The following DUS1L variants were observed in gnomAD, a reference collection of about 807,000 sequenced individuals.
DUS1L encodes dihydrouridine synthase 1 like.
DUS1L carries 56 observed loss-of-function variants against 61.2 expected under a neutral mutation model. The observed-to-expected ratio is 0.92, with a 90% CI of 0.74 to 1.14. The LOEUF is 1.14. DUS1L is among the 50% of genes most tolerant of loss of function. The pLI is 0.00. For missense variants in DUS1L, 630 were observed against 632.4 expected, an observed-to-expected ratio of 1.00 and a Z score of 0.04; for synonymous variants, 278 against 259.5, an observed-to-expected ratio of 1.07 and a Z score of -0.69.
chr17:82,063,504 A>G lies in DUS1L; in HGVS notation c.361T>C (p.Phe121Leu). The G allele has an allele frequency of 1.2e-6, 2 of 1,613,676 alleles. No homozygotes were observed. The highest frequency in any genetic ancestry group is 1.7e-6 in the Non-Finnish European group (2 of 1,179,986). Residue 121 changes from phenylalanine to leucine, a missense_variant, in exon 4 of 14, where the codon TTT (phenylalanine) becomes CTT (leucine). Coordinates refer to ENST00000306796, the MANE Select transcript of DUS1L (RefSeq NM_022156.5). ...MIAKRGHYGA[F>L]LQDEWDLLQR... is the part of the protein sequence containing the mutation. ...AGCAGGTCCCACTCGTCCTGCAGAA[A>G]GGCGCCATAGTGACCTGCAAGGAGC...
At position 82,061,942 on chromosome 17, in the gene DUS1L, G is replaced by A. The variant is rs769589650; in HGVS notation, c.552C>T (p.Pro184=). ...GCTCCCAGGACGCTGCACCCGACAG[G>A]GGCCCCTTCTGCTCCTTGGTGCGTC... The part of the protein sequence containing the change: ...VHGRTKEQKG[P]LSGAASWEHI... Residue 184 remains proline (P), a synonymous_variant, in exon 6 of 14, where the codon CCC becomes CCT. Coordinates refer to ENST00000306796, the MANE Select transcript of DUS1L (RefSeq NM_022156.5). The A allele has an allele frequency of 5.6e-6, 9 of 1,610,902 alleles. No individual in the cohort carries two copies. The highest frequency in any genetic ancestry group is 5.9e-6 in the Non-Finnish European group (7 of 1,178,918).
chr17:82,059,171 C>T (rs372250092), intron 11 of DUS1L: 10 of 260,726 alleles, frequency 3.8e-5, no homozygotes, highest in Middle Eastern at 1.3e-3. Flanking sequence ...CCCTTCAGTT[C>T]CAGGTCTCCC....
chr17:82,063,706 C>T (rs1378368243), intron 3 of DUS1L, among the ~76,000 whole-genome samples, 188 bp from the exon 4 acceptor site: 3 of 152,162 alleles, frequency 2.0e-5, no homozygotes, highest in Admixed American at 2.0e-4. Flanking sequence ...AGTGGTTTGT[C>T]GGCATCAGAC....
At chr17:82,058,692 A>G in intron 12 of DUS1L, 89 bp downstream of exon 12, 1 of 1,588,728 alleles carries the variant, frequency 6.3e-7, no homozygotes, top group Non-Finnish European at 8.6e-7. Context: ...CTGGGCGGGC[A>G]CCAGACCTGC....
At position 82,061,420 on chromosome 17, in the gene DUS1L, GGGACACTCA is replaced by G. The variant is rs2033488627; in HGVS notation, c.698-76_698-68del. The G allele has an allele frequency of 3.9e-6, 6 of 1,530,980 alleles. No homozygotes were observed. The South Asian group carries it at 7.5e-5, about 19-fold the overall frequency. 94.8% of individuals were successfully genotyped at this position (1,530,980 alleles called of 1,614,324 possible). On this transcript the variant is annotated intron_variant, in intron 7 of 13. Coordinates refer to ENST00000306796, the MANE Select transcript of DUS1L (RefSeq NM_022156.5). ...CCAGGTGGACGGCACAGGAAAGCCT[GGGACACTCA>G]GGACACCCTTCTGTGCCACCTCACA...
Position 82,058,823 on chromosome 17 carries a change from GAAAAGAAC to G in DUS1L, c.1169-13_1169-6del, listed in dbSNP as rs773030874. 6.2e-7 allele frequency: 1 copy of G among 1,612,748 alleles called. No homozygotes were observed. The highest frequency in any genetic ancestry group is 8.5e-7 in the Non-Finnish European group (1 of 1,179,496). ...GGTCACACTTTGCATATTTTGCTAG[GAAAAGAAC>G]AAAAGGGTGCTGGTGAGTGAGGGCC... On this transcript the variant is annotated splice_polypyrimidine_tract_variant and splice_region_variant and intron_variant, in intron 11 of 13. Coordinates refer to ENST00000306796, the MANE Select transcript of DUS1L (RefSeq NM_022156.5).
In DUS1L at chr17:82,058,828, GAAC is replaced by G; in HGVS notation, c.1169-13_1169-11del. The G allele has an allele frequency of 6.2e-7, 1 of 1,611,470 alleles. No homozygotes were observed. ...CACTTTGCATATTTTGCTAGGAAAA[GAAC>G]AAAAGGGTGCTGGTGAGTGAGGGCC... On this transcript the variant is annotated splice_polypyrimidine_tract_variant and intron_variant, in intron 11 of 13. Transcript: ENST00000306796.
At chr17:82,064,668 A>ACATGC (rs1228861091) in intron 2 of DUS1L, among the ~76,000 whole-genome samples, 155 bp downstream of exon 2, 1 of 152,226 alleles carries the variant, frequency 6.6e-6, no homozygotes, top group Non-Finnish European at 1.5e-5. Context: ...CGTGGACTCT[A>ACATGC]CATGCCTGGT....
At chr17:82,065,202 G>A in intron 1 of DUS1L, 133 bp from the exon 2 acceptor site, 3 of 770,510 alleles carry the variant, frequency 3.9e-6, no homozygotes, top group Non-Finnish European at 6.1e-6. Context: ...CACTAAAGGC[G>A]GGGGTCGGTG....
Position 82,060,060 on chromosome 17 carries a change from C to T in DUS1L, c.1056G>A (p.Ala352=), listed in dbSNP as rs773078135. ...PREGSKEKAG[A]RSKRALEEEE... The stretch of plus-strand genomic sequence containing the variant: ...CTTCCTCCAGGGCCCGCTTGCTGCG[C>T]GCACCTGCCTTCTCCTTGCTCCCCT... Residue 352 remains alanine, a synonymous_variant, in exon 11 of 14, where the codon GCG becomes GCA. Transcript: ENST00000306796. The T allele has an allele frequency of 1.9e-5, 31 of 1,613,276 alleles. No individual in the cohort carries two copies. Among genetic ancestry groups the T allele is most frequent in the South Asian group, 1.2e-4 (11 of 91,082 alleles).
At position 82,057,867 on chromosome 17, in the gene DUS1L, C is replaced by CTG. The variant is rs1340526944; in HGVS notation, c.*246_*247dup. ...GGTCTGAGAGGGCAGTGGTCACAGGCTGTGGGCTCTCGCATCTTTGAAATG... is the reference window on the plus strand; with the variant it reads ...GGTCTGAGAGGGCAGTGGTCACAGGCTGTGTGGGCTCTCGCATCTTTGAAATG... On this transcript the variant is annotated 3_prime_UTR_variant, in exon 14 of 14. Coordinates refer to ENST00000306796, the MANE Select transcript of DUS1L (RefSeq NM_022156.5). 3 of 382,984 alleles carry CTG rather than the reference C, an allele frequency of 7.8e-6. No homozygotes were observed. The highest frequency in any genetic ancestry group is 1.4e-5 in the Non-Finnish European group (3 of 216,298). 23.7% of individuals were successfully genotyped at this position (382,984 alleles called of 1,614,324 possible).
intron 12 of DUS1L, 69 bp from the exon 13 acceptor site, chr17:82,058,485 G>T: frequency 6.8e-7 from 1 of 1,471,392 alleles, no homozygotes. Context: ...CAGCAGGGGA[G>T]CAGCCCCACT....
At position 82,057,907 on chromosome 17, in the gene DUS1L, T is replaced by C; in HGVS notation, c.*208A>G. 1 of 464,138 alleles carries C rather than the reference T, an allele frequency of 2.2e-6. No individual in the cohort carries two copies. 28.8% of individuals were successfully genotyped at this position (464,138 alleles called of 1,614,324 possible). ...TCTTTGAAATGATTTATTGTTCACT[T>C]TTGCACACGCGTGCTGAGGACAGGG... On this transcript the variant is annotated 3_prime_UTR_variant, in exon 14 of 14. Transcript: ENST00000306796.
rs1304458955 is a variant in DUS1L, at chr17:82,060,101, G to GAGGGCAGCGGGC, written c.1023-20_1023-9dup. On this transcript the variant is annotated splice_polypyrimidine_tract_variant and intron_variant, in intron 10 of 13. Coordinates refer to ENST00000306796, the MANE Select transcript of DUS1L (RefSeq NM_022156.5). ...TTGCTCCCCTCCCTGGGCCTGAGGG[G>GAGGGCAGCGGGC]AGGGCAGCGGGCAGAGCCCAAGGAC... The GAGGGCAGCGGGC allele has an allele frequency of 6.2e-7, 1 of 1,611,322 alleles. No homozygotes were observed. The highest frequency in any genetic ancestry group is 1.3e-5 in the African/African-American group (1 of 74,910).
intron 5 of DUS1L, 123 bp downstream of exon 5, chr17:82,062,738 G>A (rs2033570784): frequency 1.3e-6 from 1 of 799,560 alleles, no homozygotes; most frequent in Non-Finnish European, 2.0e-6. Flanking sequence ...GGCCAGTCAG[G>A]AGGGCCACTG....
intron 11 of DUS1L, 172 bp from the exon 12 acceptor site, chr17:82,058,990 C>T (rs983462426): frequency 1.6e-6 from 1 of 635,934 alleles, no homozygotes; most frequent in Non-Finnish European, 2.8e-6. Flanking sequence ...TCTGCTTTTC[C>T]TTCCGTGAGC....
chr17:82,058,278 C>T (rs373844387), intron 13 of DUS1L, 24 bp from the exon 14 acceptor site: 143 of 1,553,244 alleles, frequency 9.2e-5, no homozygotes, highest in Non-Finnish European at 1.1e-4. Context: ...TGAGAGGAGT[C>T]GGGGGTCAGG....
chr17:82,057,532 T>C lies in DUS1L; in HGVS notation c.*583A>G. 3.0e-6 allele frequency: 1 copy of C among 337,466 alleles called. No individual in the cohort carries two copies. The allele number at this position is 337,466 out of a possible 1,614,324, so 20.9% of individuals were successfully genotyped here. On this transcript the variant is annotated 3_prime_UTR_variant, in exon 14 of 14. Transcript: ENST00000306796. ...TCACCCCTGGGTGGCCTTGGGTTCC[T>C]GAGGGCTGTCTCCCTGGGACTAGGC...
chr17:82,060,330 G>C (rs2033418993), intron 10 of DUS1L: 2 of 609,136 alleles, frequency 3.3e-6, no homozygotes, highest in Non-Finnish European at 5.7e-6. Context: ...CCAGCTCCAG[G>C]GAGGGCTGTG....
Sources: gnomAD v4.1 joint callset for allele counts (sites outside exome capture counted in the v4.1 genomes callset) on GRCh38, gnomAD v4.1.1 for gene constraint, MANE v1.5 for transcripts, NCBI Gene and HGNC (gene_info 2026-07-23, HGNC 2026-07-21) for gene names.